FRMD4B: variants seen among roughly 807,000 people sequenced by gnomAD.
The protein encoded by FRMD4B is FERM domain containing 4B.
FRMD4B carries 74 observed loss-of-function variants against 141.5 expected under a neutral mutation model. That is an observed-to-expected ratio of 0.52 (90% CI 0.43 to 0.63). The LOEUF (loss-of-function observed/expected upper bound fraction) is 0.63. FRMD4B is among the 30% of genes least tolerant of loss of function. FRMD4B has a pLI of 0.00. For missense variants in FRMD4B, 1,366 were observed against 1,253.4 expected, an observed-to-expected ratio of 1.09 and a Z score of -1.36; for synonymous variants, 506 against 467.9, an observed-to-expected ratio of 1.08 and a Z score of -1.05.
intron 21 of FRMD4B, among the ~76,000 whole-genome samples, chr3:69,177,256 T>C (rs141518014): frequency 6.6e-6 from 1 of 152,110 alleles, no homozygotes; most frequent in Non-Finnish European, 1.5e-5. Context: ...GGAGAAATAC[T>C]TGAGCCCATG....
At chr3:69,445,049 C>T (rs564924959) in intron 1 of FRMD4B, among the ~76,000 whole-genome samples, 6 of 152,272 alleles carry the variant, frequency 3.9e-5, no homozygotes, top group East Asian at 3.9e-4. Flanking sequence ...CAAAAAGTCT[C>T]GCAAAGCAAA....
chr3:69,320,584 A>C (rs941951764), intron 1 of FRMD4B, among the ~76,000 whole-genome samples: 2 of 152,174 alleles, frequency 1.3e-5, no homozygotes, highest in Non-Finnish European at 2.9e-5. Flanking sequence ...AAACCAAAAA[A>C]CAAAAAAACA....
chr3:69,370,139 G>A (rs1260061324), intron 1 of FRMD4B, among the ~76,000 whole-genome samples: 1 of 147,918 alleles, frequency 6.8e-6, no homozygotes, highest in East Asian at 2.0e-4. Context: ...TTGCTCCTAA[G>A]AATCCAGGAA....
At chr3:69,268,289 G>A (rs1265293566) in intron 5 of FRMD4B, among the ~76,000 whole-genome samples, 3 of 151,956 alleles carry the variant, frequency 2.0e-5, no homozygotes, top group Non-Finnish European at 4.4e-5. Flanking sequence ...AAATTGTTAG[G>A]CGATGCAAGA....
At chr3:69,272,934 A>G (rs977383409) in intron 5 of FRMD4B, among the ~76,000 whole-genome samples, 2 of 152,194 alleles carry the variant, frequency 1.3e-5, no homozygotes, top group Non-Finnish European at 2.9e-5. Context: ...AAGTATGAAA[A>G]TATCTTTCTA....
At chr3:69,250,547 A>C (rs2093458138) in intron 5 of FRMD4B, among the ~76,000 whole-genome samples, 1 of 152,102 alleles carries the variant, frequency 6.6e-6, no homozygotes, top group Non-Finnish European at 1.5e-5. Flanking sequence ...TATACACACA[A>C]TGTAAATATT....
At chr3:69,247,261 GGT>G in intron 7 of FRMD4B, among the ~76,000 whole-genome samples, 1 of 152,226 alleles carries the variant, frequency 6.6e-6, no homozygotes, top group South Asian at 2.1e-4. Flanking sequence ...AGGCTCAGAG[GGT>G]GTCAGTCACA....
At chr3:69,287,869 ATTTATTT>A in intron 4 of FRMD4B, 33 bp from the exon 5 acceptor site, 2 of 1,036,950 alleles carry the variant, frequency 1.9e-6, no homozygotes, top group Middle Eastern at 2.1e-4. Flanking sequence ...GTTCCTTCAG[ATTTATTT>A]TCACCTCTCA....
intron 1 of FRMD4B, among the ~76,000 whole-genome samples, chr3:69,479,155 T>G (rs1216999736): frequency 6.7e-6 from 1 of 150,242 alleles, no homozygotes. Flanking sequence ...CTTGACTCTT[T>G]ATCCAATTTG....
intron 1 of FRMD4B, among the ~76,000 whole-genome samples, chr3:69,366,905 A>G (rs1185849062): frequency 1.3e-5 from 2 of 151,962 alleles, no homozygotes; most frequent in African/African-American, 4.8e-5. Context: ...GAGTAGCTAG[A>G]ACTACAGGTG....
intron 5 of FRMD4B, among the ~76,000 whole-genome samples, chr3:69,278,551 C>G (rs1434330992): frequency 3.3e-5 from 5 of 152,046 alleles, no homozygotes; most frequent in Non-Finnish European, 5.9e-5. Context: ...TCTTACTGGG[C>G]CTCCCAAAGT....
chr3:69,188,906 T>C (rs971249185), intron 18 of FRMD4B, among the ~76,000 whole-genome samples: 1 of 151,494 alleles, frequency 6.6e-6, no homozygotes, highest in African/African-American at 2.4e-5. Flanking sequence ...TATTAGTTGA[T>C]AGTAAACCCA....
intron 1 of FRMD4B, among the ~76,000 whole-genome samples, chr3:69,490,207 A>T (rs1175551372): frequency 6.6e-6 from 1 of 152,202 alleles, no homozygotes; most frequent in Non-Finnish European, 1.5e-5. Flanking sequence ...TTTAAACATG[A>T]ACAAACATTT....
At chr3:69,406,371 T>C (rs1473089659) in intron 2 of FRMD4B, among the ~76,000 whole-genome samples, 1 of 152,246 alleles carries the variant, frequency 6.6e-6, no homozygotes, top group East Asian at 1.9e-4. Context: ...CTAACGAGAC[T>C]TTCCCAGTGC....
At chr3:69,201,332 T>A (rs1359623561) in intron 11 of FRMD4B, among the ~76,000 whole-genome samples, 1 of 152,220 alleles carries the variant, frequency 6.6e-6, no homozygotes, top group Non-Finnish European at 1.5e-5. Flanking sequence ...TTTCTTTTAT[T>A]AATAAAAATA....
In FRMD4B at chr3:69,197,006, C is replaced by T. The variant is rs1261110137; in HGVS notation, c.986G>A (p.Ser329Asn). 4 of 1,609,666 alleles carry T rather than the reference C, an allele frequency of 2.5e-6. No homozygotes were observed. In the Admixed American group the frequency reaches 6.7e-5, roughly 27 times the overall value. The change falls in exon 13 of 23, where the codon AGT (serine) becomes AAT (asparagine). Residue 329 changes from serine to asparagine, a missense_variant. By Grantham distance (46) the Ser-to-Asn change is conservative (BLOSUM62 1). Transcript: ENST00000398540. ...ISVSRRTFGQ[S>N]GLFVQTWYAN... is the part of the protein sequence containing the mutation. ...ATACCATGTTTGCACAAACAAGCCA[C>T]TTTGCCCAAAGGTTCTTCTTGAAAC...
chr3:69,207,322 AAG>A (rs1553701268), intron 11 of FRMD4B, among the ~76,000 whole-genome samples: 4 of 145,184 alleles, frequency 2.8e-5, no homozygotes, highest in Non-Finnish European at 6.1e-5. Flanking sequence ...AAAAAAAAAA[AAG>A]AAAGAAAGAA....
chr3:69,509,003 A>G (rs1706643942), intron 1 of FRMD4B, among the ~76,000 whole-genome samples: 1 of 152,174 alleles, frequency 6.6e-6, no homozygotes, highest in African/African-American at 2.4e-5. Context: ...ATTCTTTTAA[A>G]CCCAAATACA....
chr3:69,349,470 A>C (rs542708042), intron 1 of FRMD4B, among the ~76,000 whole-genome samples: 1 of 152,164 alleles, frequency 6.6e-6, no homozygotes, highest in Non-Finnish European at 1.5e-5. Flanking sequence ...TTGGAAAAAA[A>C]TACTTTAAAG....
Sources: gnomAD v4.1 joint callset for allele counts (sites outside exome capture counted in the v4.1 genomes callset) on GRCh38, gnomAD v4.1.1 for gene constraint, MANE v1.5 for transcripts, NCBI Gene and HGNC (gene_info 2026-07-23, HGNC 2026-07-21) for gene names.